The following RAVER2 variants were observed in gnomAD, a reference collection of about 807,000 sequenced individuals.
RAVER2 encodes ribonucleoprotein, PTB binding 2.
Under a neutral mutation model 78.1 loss-of-function variants are expected in RAVER2, and 46 were observed. The observed-to-expected ratio is 0.59, with a 90% CI of 0.46 to 0.75. RAVER2 has a LOEUF of 0.75. Ranked by LOEUF, RAVER2 falls within the 30% of genes least tolerant of loss-of-function variation. The pLI is 0.00. For missense variants in RAVER2, 793 were observed against 837.5 expected, an observed-to-expected ratio of 0.95 and a Z score of 0.66; for synonymous variants, 311 against 313.3, an observed-to-expected ratio of 0.99 and a Z score of 0.08.
intron 5 of RAVER2, among the ~76,000 whole-genome samples, chr1:64,800,434 G>A (rs1224402658): frequency 6.6e-6 from 1 of 152,126 alleles, no homozygotes; most frequent in East Asian, 1.9e-4. Context: ...TTACATTTAA[G>A]TTTTTAATAG....
At chr1:64,757,534 C>A (rs1008631222) in intron 1 of RAVER2, among the ~76,000 whole-genome samples, 2 of 152,174 alleles carry the variant, frequency 1.3e-5, no homozygotes, top group African/African-American at 4.8e-5. Flanking sequence ...TCAGCTGGAA[C>A]CTTGACTTGG....
At chr1:64,832,264 C>T (rs563851698) in exon 12 of RAVER2, 1 of 152,614 alleles carries the variant, frequency 6.6e-6, no homozygotes, top group East Asian at 1.9e-4. Context: ...CCATTTTGAG[C>T]TAATAAGCTA....
chr1:64,819,576 A>C (rs1165237704), intron 11 of RAVER2, among the ~76,000 whole-genome samples: 1 of 152,246 alleles, frequency 6.6e-6, no homozygotes, highest in Admixed American at 6.5e-5. Context: ...GTTTGAAAAA[A>C]TAATGGTCAA....
At chr1:64,833,144 A>AAAACT (rs1220371014) in exon 12 of RAVER2, 2 of 175,492 alleles carry the variant, frequency 1.1e-5, no homozygotes, top group African/African-American at 4.7e-5. Context: ...TCCTCCCCCC[A>AAAACT]AAACTATACT....
intron 2 of RAVER2, among the ~76,000 whole-genome samples, chr1:64,776,712 T>C (rs996625163): frequency 6.6e-6 from 1 of 152,036 alleles, no homozygotes; most frequent in African/African-American, 2.4e-5. Context: ...TATTTTTTAA[T>C]GGGGGCTTTA....
intron 2 of RAVER2, among the ~76,000 whole-genome samples, chr1:64,769,072 C>T (rs529297691): frequency 3.8e-4 from 58 of 151,924 alleles, no homozygotes; most frequent in Non-Finnish European, 6.2e-4. Flanking sequence ...TTGAGAAACT[C>T]ATTTAGGTTT....
exon 12 of RAVER2, chr1:64,831,042 C>T (rs568087258): frequency 7.9e-6 from 12 of 1,525,004 alleles, no homozygotes; most frequent in African/African-American, 2.8e-5. Context: ...TGCTGTTCAT[C>T]GCTGCCTTAA....
At chr1:64,786,230 T>C (rs2100844912) in intron 4 of RAVER2, among the ~76,000 whole-genome samples, 1 of 152,298 alleles carries the variant, frequency 6.6e-6, no homozygotes, top group Admixed American at 6.5e-5. Flanking sequence ...TTGGCTTTGA[T>C]GTTCTTAAAT....
chr1:64,763,101 C>A (rs527918562), intron 1 of RAVER2, among the ~76,000 whole-genome samples: 3 of 151,846 alleles, frequency 2.0e-5, no homozygotes, highest in South Asian at 4.2e-4. Context: ...TGAGGTCAGG[C>A]GATCGAGACC....
intron 4 of RAVER2, among the ~76,000 whole-genome samples, chr1:64,786,377 TTTC>T (rs1652779973): frequency 1.3e-5 from 2 of 152,248 alleles, no homozygotes; most frequent in African/African-American, 4.8e-5. Flanking sequence ...AAGATCTTAT[TTTC>T]TTCTCCTTCA....
Position 64,745,727 on chromosome 1 carries a change from T to G in RAVER2, c.249+306T>G, listed in dbSNP as rs1570516393. On this transcript the variant is annotated intron_variant, in intron 1 of 11. Transcript: ENST00000294428. This position sits in a 1 kb window ranked among gnomAD's most constrained non-coding sequence, Gnocchi z 4.3. Reference sequence around the variant, plus strand: ...TCCTTCCCCTACGGCCGTAGAGGAGTAGGAGGTGAAGGAGAGTGGAGGTGA... The same window carrying G: ...TCCTTCCCCTACGGCCGTAGAGGAGGAGGAGGTGAAGGAGAGTGGAGGTGA... 2.1e-5 allele frequency among the ~76,000 whole-genome samples: 3 copies of G among 144,582 alleles called. No homozygotes were observed. Among genetic ancestry groups the G allele is most frequent in the Non-Finnish European group, 3.0e-5 (2 of 66,112 alleles). 94.9% of individuals were successfully genotyped at this position (144,582 alleles called of 152,430 possible). A position where few individuals can be genotyped will look rare whatever the true frequency, so the allele number is the denominator to read the frequency against.
rs536923838 is a variant in RAVER2 at position 64,781,370 on chromosome 1, A to G, written c.787-10A>G. ...TCGGAATTACTGTTTAATAGAATGT[A>G]TTGTATCAGCTTGCACAGGATGAAG... On this transcript the variant is annotated splice_polypyrimidine_tract_variant and intron_variant, in intron 3 of 11. Transcript: ENST00000294428. 26 of 1,563,512 alleles carry G rather than the reference A, an allele frequency of 1.7e-5. No individual in the cohort carries two copies. Among genetic ancestry groups the G allele is most frequent in the African/African-American group, 1.6e-4 (12 of 73,472 alleles).
At chr1:64,782,485 G>A (rs537018272) in intron 4 of RAVER2, among the ~76,000 whole-genome samples, 324 of 152,350 alleles carry the variant, frequency 2.1e-3, no homozygotes, top group Middle Eastern at 0.01. Context: ...GAATGGATGA[G>A]ATATTGACTT....
intron 9 of RAVER2, among the ~76,000 whole-genome samples, chr1:64,810,366 T>G (rs1653570639): frequency 6.6e-6 from 1 of 152,182 alleles, no homozygotes; most frequent in Non-Finnish European, 1.5e-5. Flanking sequence ...GCAAATCCAG[T>G]GTGTGATGAG....
At chr1:64,767,815 CA>C (rs2100822005) in intron 1 of RAVER2, among the ~76,000 whole-genome samples, 1 of 152,008 alleles carries the variant, frequency 6.6e-6, no homozygotes, top group African/African-American at 2.4e-5. Context: ...ATGTAAAATG[CA>C]GTTTCTGTTT....
chr1:64,772,015 A>C (rs886401767), intron 2 of RAVER2, among the ~76,000 whole-genome samples: 3 of 152,124 alleles, frequency 2.0e-5, no homozygotes, highest in African/African-American at 7.2e-5. Flanking sequence ...CCCAATAATA[A>C]ACTAAATAGT....
chr1:64,783,586 G>C (rs1652696256), intron 4 of RAVER2, among the ~76,000 whole-genome samples: 1 of 151,952 alleles, frequency 6.6e-6, no homozygotes. Flanking sequence ...TTTTTGATGG[G>C]GTTGTTTTTT....
At chr1:64,823,614 T>C (rs1350940340) in intron 11 of RAVER2, among the ~76,000 whole-genome samples, 3 of 152,172 alleles carry the variant, frequency 2.0e-5, no homozygotes, top group Non-Finnish European at 4.4e-5. Context: ...ATTTATTAAA[T>C]GTCTATTAAA....
chr1:64,798,406 C>A (rs1331933849), intron 5 of RAVER2, among the ~76,000 whole-genome samples: 1 of 145,096 alleles, frequency 6.9e-6, no homozygotes, highest in Non-Finnish European at 1.5e-5. Context: ...GTCTTTATAG[C>A]AGCATGATTT....
Sources: gnomAD v4.1 joint callset for allele counts (sites outside exome capture counted in the v4.1 genomes callset) on GRCh38, gnomAD v4.1.1 for gene constraint, Gnocchi (gnomAD v3.1) non-coding constraint, MANE v1.5 for transcripts, NCBI Gene and HGNC (gene_info 2026-07-23, HGNC 2026-07-21) for gene names.